The following SHISA6 variants were observed in gnomAD, a reference collection of about 807,000 sequenced individuals.
The protein encoded by SHISA6 is shisa family member 6.
SHISA6 carries 22 observed loss-of-function variants against 47.9 expected under a neutral mutation model. The ratio of observed to expected loss-of-function variants is 0.46; its 90% CI spans 0.33 to 0.66. The LOEUF (loss-of-function observed/expected upper bound fraction) is 0.66, where lower values mean the gene tolerates loss of function less well. Ranked by LOEUF, SHISA6 falls within the 30% of genes least tolerant of loss-of-function variation. The pLI is 0.02. For synonymous variants in SHISA6, 388 were observed against 337.8 expected (o/e 1.15, Z -1.63); for missense variants, 680 against 764.6 (o/e 0.89, Z 1.30).
At chr17:11,477,811 G>T (rs1916093024) in intron 3 of SHISA6, among the ~76,000 whole-genome samples, 1 of 151,230 alleles carries the variant, frequency 6.6e-6, no homozygotes, top group South Asian at 2.1e-4. Context: ...TCTTAATCCA[G>T]TCTATCATTG....
intron 3 of SHISA6, among the ~76,000 whole-genome samples, chr17:11,497,418 C>G (rs2071418162): frequency 6.6e-6 from 1 of 152,044 alleles, no homozygotes; most frequent in South Asian, 2.1e-4. Context: ...ACGGGAGGAC[C>G]ACTGAATAGA....
At chr17:11,459,548 T>C (rs1304723074) in intron 3 of SHISA6, among the ~76,000 whole-genome samples, 2 of 152,128 alleles carry the variant, frequency 1.3e-5, no homozygotes, top group African/African-American at 4.8e-5. Flanking sequence ...TTTAATGAAA[T>C]AATCAAGACC....
At chr17:11,292,327 C>A (rs1181053978) in intron 2 of SHISA6, among the ~76,000 whole-genome samples, 1 of 152,086 alleles carries the variant, frequency 6.6e-6, no homozygotes, top group Non-Finnish European at 1.5e-5. Flanking sequence ...TGATGTTCTG[C>A]TCCCTATGTC....
chr17:11,338,276 A>G (rs1911392168), intron 2 of SHISA6, among the ~76,000 whole-genome samples: 1 of 152,204 alleles, frequency 6.6e-6, no homozygotes. Flanking sequence ...TAACAATTTG[A>G]GCTTCTAGCC....
chr17:11,391,829 G>A (rs527823216), intron 3 of SHISA6, among the ~76,000 whole-genome samples: 2 of 152,236 alleles, frequency 1.3e-5, no homozygotes, highest in South Asian at 2.1e-4. Context: ...CTACTGCATC[G>A]AATAAGGTGG....
intron 2 of SHISA6, among the ~76,000 whole-genome samples, chr17:11,371,738 AAC>A (rs1491470891): frequency 1.2e-3 from 178 of 150,024 alleles, no homozygotes; most frequent in African/African-American, 4.4e-3. Flanking sequence ...AGAGAAAAAC[AAC>A]AAAAAAAAAT....
At chr17:11,500,367 G>T (rs61185096) in intron 3 of SHISA6, among the ~76,000 whole-genome samples, 6,671 of 152,254 alleles carry the variant, frequency 0.044, 473 homozygotes, top group African/African-American at 0.15. Flanking sequence ...TCCCATTGCA[G>T]TCTCTGTAAA....
In SHISA6 at chr17:11,563,797, C is replaced by T. The variant is rs2072067591; in HGVS notation, c.*5493C>T. 1 of 152,116 alleles carries T rather than the reference C, an allele frequency of 6.6e-6. No homozygotes were observed. The highest frequency in any genetic ancestry group is 2.4e-5 in the African/African-American group (1 of 41,418). The allele number at this position is 152,116 out of a possible 1,614,324, so 9.4% of individuals were successfully genotyped here. A position where few individuals can be genotyped will look rare whatever the true frequency, so the allele number is the denominator to read the frequency against. On this transcript the variant is annotated 3_prime_UTR_variant, in exon 6 of 6. Coordinates refer to ENST00000441885, the MANE Select transcript of SHISA6 (RefSeq NM_207386.4). ...ATGCATTAGCCCAATTTATGAATTC[C>T]ATGTTTATTATATGGTAGTACTGAT... is the stretch of plus-strand genomic sequence containing the variant.
chr17:11,508,538 C>T (rs1213136596), intron 3 of SHISA6, among the ~76,000 whole-genome samples: 1 of 130,906 alleles, frequency 7.6e-6, no homozygotes, highest in Admixed American at 7.5e-5. Context: ...GTTGAATCAG[C>T]CCCTCCCCTC....
At chr17:11,550,124 G>A (rs371177646) in intron 3 of SHISA6, among the ~76,000 whole-genome samples, 21 of 151,700 alleles carry the variant, frequency 1.4e-4, no homozygotes, top group South Asian at 4.2e-4. Flanking sequence ...GCGCGATCTC[G>A]GCTCACTGCA....
intron 3 of SHISA6, among the ~76,000 whole-genome samples, chr17:11,536,016 A>G (rs533651034): frequency 1.3e-5 from 2 of 152,164 alleles, no homozygotes; most frequent in South Asian, 4.1e-4. Flanking sequence ...ATAGATAGAT[A>G]TATATAGAGA....
intron 2 of SHISA6, among the ~76,000 whole-genome samples, chr17:11,366,296 T>TG (rs1912447942): frequency 3.3e-5 from 5 of 152,180 alleles, no homozygotes; most frequent in African/African-American, 1.2e-4. Flanking sequence ...TACAGGCACA[T>TG]GCCACCATGC....
At chr17:11,245,724 A>T (rs377543751) in intron 1 of SHISA6, among the ~76,000 whole-genome samples, 2 of 66,220 alleles carry the variant, frequency 3.0e-5, no homozygotes, top group African/African-American at 1.1e-4. Flanking sequence ...ACAGGAGCAG[A>T]GGGGATCAAA....
At chr17:11,316,539 G>A (rs2142192136) in intron 2 of SHISA6, among the ~76,000 whole-genome samples, 1 of 150,650 alleles carries the variant, frequency 6.6e-6, no homozygotes, top group East Asian at 2.0e-4. Flanking sequence ...TCCTGCCTCA[G>A]CCTCCCAAGT....
intron 2 of SHISA6, among the ~76,000 whole-genome samples, chr17:11,299,714 CCTT>C (rs1319918259): frequency 6.6e-6 from 1 of 152,152 alleles, no homozygotes; most frequent in Non-Finnish European, 1.5e-5. Context: ...CATCCCATCA[CCTT>C]CTCTCTCTGA....
chr17:11,437,522 T>C (rs1914972900), intron 3 of SHISA6, among the ~76,000 whole-genome samples: 1 of 152,212 alleles, frequency 6.6e-6, no homozygotes, highest in Non-Finnish European at 1.5e-5. Context: ...TTCTTTGCTC[T>C]TTATCCCAGG....
At chr17:11,467,516 G>A (rs1051591535) in intron 3 of SHISA6, among the ~76,000 whole-genome samples, 3 of 152,152 alleles carry the variant, frequency 2.0e-5, no homozygotes, top group African/African-American at 7.2e-5. Flanking sequence ...ATGAAGAAAA[G>A]CTAGAGGAAA....
At chr17:11,463,548 T>C (rs1300153288) in intron 3 of SHISA6, among the ~76,000 whole-genome samples, 1 of 152,240 alleles carries the variant, frequency 6.6e-6, no homozygotes, top group African/African-American at 2.4e-5. Context: ...TTCCAACATT[T>C]TGCTGTCCTT....
chr17:11,423,042 G>C (rs576540904), intron 3 of SHISA6, among the ~76,000 whole-genome samples: 22 of 151,798 alleles, frequency 1.4e-4, no homozygotes, highest in Middle Eastern at 3.4e-3. Flanking sequence ...GTAAATGTCT[G>C]CATGGGTTTT....
Sources: gnomAD v4.1 joint callset for allele counts (sites outside exome capture counted in the v4.1 genomes callset) on GRCh38, gnomAD v4.1.1 for gene constraint, MANE v1.5 for transcripts, NCBI Gene and HGNC (gene_info 2026-07-23, HGNC 2026-07-21) for gene names.